The following GRIA1 variants were observed in gnomAD, a reference collection of about 807,000 sequenced individuals.
GRIA1 encodes glutamate receptor 1.
A neutral mutation model predicts 99.2 loss-of-function variants in GRIA1; 31 were observed. The observed-to-expected ratio is 0.31, with a 90% CI of 0.23 to 0.42. GRIA1 has a LOEUF of 0.42. Among genes scored for constraint, GRIA1 ranks in the 10% least tolerant of loss-of-function variants. The pLI is 1.00. For synonymous variants in GRIA1, 438 were observed against 432.4 expected (o/e 1.01, Z -0.16); for missense variants, 782 against 1,157.5 (o/e 0.68, Z 4.71).
At chr5:153,702,540 T>C (rs1221002227) in intron 10 of GRIA1, among the ~76,000 whole-genome samples, 1 of 152,254 alleles carries the variant, frequency 6.6e-6, no homozygotes, top group African/African-American at 2.4e-5. Context: ...ATGAAAACTA[T>C]ATGCTGTTTT....
intron 2 of GRIA1, among the ~76,000 whole-genome samples, chr5:153,622,232 A>C (rs1257424066): frequency 6.6e-6 from 1 of 152,190 alleles, no homozygotes; most frequent in Non-Finnish European, 1.5e-5. Context: ...TGCACACTTA[A>C]GTGTGAGAAC....
In GRIA1 at chr5:153,685,861, A is replaced by T. The variant is rs1029098155; in HGVS notation, c.1030-364A>T. On this transcript the variant is annotated intron_variant, in intron 7 of 15. Transcript: ENST00000285900. ...ATTTTCTTTCCTTTGCAGGCCCCCC[A>T]TACTTTCTTCATCTTCAGATGTGTA... 3.3e-5 allele frequency among the ~76,000 whole-genome samples: 5 copies of T among 152,270 alleles called. No individual in the cohort carries two copies. The East Asian group carries it at 9.7e-4, about 29-fold the overall frequency.
chr5:153,532,446 A>T (rs1344666635), intron 2 of GRIA1, among the ~76,000 whole-genome samples: 3 of 152,186 alleles, frequency 2.0e-5, no homozygotes, highest in African/African-American at 7.2e-5. Flanking sequence ...TACCTAGCAA[A>T]TGGCAAGTGG....
At chr5:153,706,193 A>T (rs1581507449) in intron 11 of GRIA1, 126 bp downstream of exon 11, 1 of 945,250 alleles carries the variant, frequency 1.1e-6, no homozygotes. Context: ...TCAGTTTTTC[A>T]ACTATTCTTT....
At chr5:153,600,120 G>A (rs1298306094) in intron 2 of GRIA1, among the ~76,000 whole-genome samples, 1 of 151,918 alleles carries the variant, frequency 6.6e-6, no homozygotes, top group Non-Finnish European at 1.5e-5. Flanking sequence ...GACCCGGCGC[G>A]GTGGCTCACG....
chr5:153,521,067 G>A (rs975692049), intron 2 of GRIA1, among the ~76,000 whole-genome samples: 1 of 152,196 alleles, frequency 6.6e-6, no homozygotes, highest in African/African-American at 2.4e-5. Flanking sequence ...AAAAACAAAT[G>A]AGGAAAACTC....
chr5:153,538,202 A>G (rs1758759183), intron 2 of GRIA1, among the ~76,000 whole-genome samples: 1 of 152,202 alleles, frequency 6.6e-6, no homozygotes, highest in African/African-American at 2.4e-5. Context: ...TTTAGAAATG[A>G]TGGGAAGTAG....
intron 14 of GRIA1, among the ~76,000 whole-genome samples, chr5:153,799,859 C>T (rs1272358232): frequency 1.3e-5 from 2 of 152,094 alleles, no homozygotes; most frequent in African/African-American, 4.8e-5. Flanking sequence ...TCCTTCTTTG[C>T]CTATATAGAA....
intron 13 of GRIA1, among the ~76,000 whole-genome samples, chr5:153,783,582 A>G (rs1355677288): frequency 6.6e-6 from 1 of 152,214 alleles, no homozygotes; most frequent in East Asian, 1.9e-4. Flanking sequence ...GATCTTAACC[A>G]GGTTTCTTCA....
chr5:153,725,983 G>C lies in GRIA1; in HGVS notation c.1823+19916G>C, dbSNP rs531403165. 3.9e-4 allele frequency among the ~76,000 whole-genome samples: 56 copies of C among 144,364 alleles called. 1 individual carries two copies. The highest frequency in any genetic ancestry group is 7.1e-4 in the Non-Finnish European group (47 of 66,436). The allele number at this position is 144,364 out of a possible 152,430, so 94.7% of individuals were successfully genotyped here. A position where few individuals can be genotyped will look rare whatever the true frequency, so the allele number is the denominator to read the frequency against. On this transcript the variant is annotated intron_variant, in intron 11 of 15. Coordinates refer to ENST00000285900, the MANE Select transcript of GRIA1 (RefSeq NM_000827.4). The stretch of plus-strand genomic sequence containing the variant: ...CACCTATTCCAAAATTGACCACATA[G>C]TTGGAAGTAAAGCTCTCCTCAGCAA...
intron 7 of GRIA1, among the ~76,000 whole-genome samples, chr5:153,685,415 C>T (rs188943174): frequency 1.9e-4 from 29 of 152,266 alleles, no homozygotes; most frequent in African/African-American, 6.3e-4. Context: ...TGATTTTGCC[C>T]ATTTGTGGAG....
chr5:153,514,183 C>A (rs958756840), intron 2 of GRIA1, among the ~76,000 whole-genome samples: 27 of 152,202 alleles, frequency 1.8e-4, no homozygotes, highest in African/African-American at 6.0e-4. Context: ...TTGCCCATAA[C>A]CCATCATGTT....
chr5:153,659,147 T>C (rs1309837278), intron 5 of GRIA1, among the ~76,000 whole-genome samples: 1 of 152,162 alleles, frequency 6.6e-6, no homozygotes, highest in Non-Finnish European at 1.5e-5. Context: ...AGACCAAATA[T>C]GTTGCCAAAT....
rs930391429 is a variant in GRIA1, at chr5:153,737,867, G to A, written c.1824-26567G>A. Among the ~76,000 whole-genome samples, 19 of 152,114 alleles carry A rather than the reference G, an allele frequency of 1.2e-4. 1 individual carries two copies. Among genetic ancestry groups the A allele is most frequent in the Non-Finnish European group, 1.5e-4 (10 of 68,024 alleles). On this transcript the variant is annotated intron_variant, in intron 11 of 15. Transcript: ENST00000285900. ...CCAGTCAACTGCTCTAATATACCAG[G>A]TACCTCGCCTCCTCCTTTATCTCAG...
At chr5:153,627,823 A>G (rs1044784635) in intron 2 of GRIA1, among the ~76,000 whole-genome samples, 2 of 152,236 alleles carry the variant, frequency 1.3e-5, no homozygotes, top group African/African-American at 2.4e-5. Flanking sequence ...AAGTTGTATC[A>G]TGGTCGGTAG....
At position 153,677,084 on chromosome 5, in the gene GRIA1, G is replaced by A. The variant is rs1260058598; in HGVS notation, c.952G>A (p.Gly318Arg). The A allele has an allele frequency of 1.3e-6, 2 of 1,585,354 alleles. No individual in the cohort carries two copies. Among genetic ancestry groups the A allele is most frequent in the East Asian group, 2.3e-5 (1 of 43,102 alleles). The change falls in exon 7 of 16, where the codon GGG becomes AGG. Residue 318 changes from glycine to arginine, a missense_variant. Physicochemically the swap from Gly to Arg is moderately radical, Grantham distance 125. Coordinates refer to ENST00000285900, the MANE Select transcript of GRIA1 (RefSeq NM_000827.4). ...RRQRIDISRR[G>R]NAGDCLANPA... is the part of the protein sequence containing the mutation. ...GCAGAGAATTGATATATCTCGCCGG[G>A]GGAATGCTGGGGATTGTCTGGCTAA...
chr5:153,632,773 C>T, intron 2 of GRIA1, among the ~76,000 whole-genome samples: 1 of 152,088 alleles, frequency 6.6e-6, no homozygotes, highest in Admixed American at 6.5e-5. Context: ...TTAGACCCAG[C>T]CCTGTCCTAC....
At chr5:153,726,759 C>CAAA in intron 11 of GRIA1, among the ~76,000 whole-genome samples, 1 of 151,276 alleles carries the variant, frequency 6.6e-6, no homozygotes, top group Non-Finnish European at 1.5e-5. Flanking sequence ...AGCTTACCAA[C>CAAA]AAAAAGTCCA....
chr5:153,727,084 A>T (rs535541131), intron 11 of GRIA1, among the ~76,000 whole-genome samples: 3 of 152,248 alleles, frequency 2.0e-5, no homozygotes, highest in African/African-American at 4.8e-5. Context: ...GGTTCAATAT[A>T]TGCAAATCAC....
Sources: gnomAD v4.1 joint callset for allele counts (sites outside exome capture counted in the v4.1 genomes callset) on GRCh38, gnomAD v4.1.1 for gene constraint, MANE v1.5 for transcripts, NCBI Gene and HGNC (gene_info 2026-07-23, HGNC 2026-07-21) for gene names.